The following SCN1A variants were observed in gnomAD, a reference collection of about 807,000 sequenced individuals.
The protein encoded by SCN1A is sodium voltage-gated channel alpha subunit 1, also known as sodium channel protein type 1 subunit alpha.
SCN1A carries 13 observed loss-of-function variants against 193.7 expected under a neutral mutation model. The ratio of observed to expected loss-of-function variants is 0.07; its 90% CI spans 0.04 to 0.11. The LOEUF is 0.11. SCN1A is among the 10% of genes least tolerant of loss of function. The probability of loss-of-function intolerance (pLI) is 1.00; values close to 1 mark genes in which losing one functional copy is unlikely to be tolerated. For missense variants in SCN1A, 1,432 were observed against 2,451.1 expected (o/e 0.58, Z 8.78); for synonymous variants, 781 against 843.6 (o/e 0.93, Z 1.29).
rs1573937539 is a variant in SCN1A at position 165,990,765 on chromosome 2, G to A, written c.*480C>T. 3 of 172,948 alleles carry A rather than the reference G, an allele frequency of 1.7e-5. No individual in the cohort carries two copies. In the East Asian group the frequency reaches 4.6e-4, roughly 27 times the overall value. 10.7% of individuals were successfully genotyped at this position (172,948 alleles called of 1,614,324 possible). A position where few individuals can be genotyped will look rare whatever the true frequency, so the allele number is the denominator to read the frequency against. ...GGCATACCTGTTATAGAGGTCCTTA[G>A]CCTATTTCTCAACAGAAACTTCGTT... On this transcript the variant is annotated 3_prime_UTR_variant, in exon 29 of 29. Transcript: ENST00000674923.
At chr2:166,080,026 C>G (rs1227518779) in intron 2 of SCN1A, among the ~76,000 whole-genome samples, 1 of 151,324 alleles carries the variant, frequency 6.6e-6, no homozygotes, top group African/African-American at 2.4e-5. Flanking sequence ...AGATGTCATT[C>G]AATATTAATA....
chr2:166,039,827 C>A (rs2105818972), intron 16 of SCN1A, among the ~76,000 whole-genome samples: 1 of 150,462 alleles, frequency 6.6e-6, no homozygotes. Flanking sequence ...GATAAGGAAA[C>A]TGAGGTCTTC....
downstream of SCN1A, chr2:165,985,465 G>A (rs367852204): frequency 6.6e-6 from 1 of 151,644 alleles, no homozygotes; most frequent in South Asian, 2.1e-4. Context: ...AAGGGAAAAG[G>A]GACTTAGATA....
rs138194030 is a variant in SCN1A, at chr2:166,091,112, G to A, written c.-141-13311C>T. Among the ~76,000 whole-genome samples the A allele has an allele frequency of 3.7e-3, 557 of 152,294 alleles. 6 individuals carry two copies. The highest frequency in any genetic ancestry group is 0.013 in the African/African-American group (524 of 41,558). ...GAACTACACAGCTGACTGACTGATG[G>A]GGAAAGTTACACAATGGATAGCTTT... On this transcript the variant is annotated intron_variant, in intron 2 of 28. Transcript: ENST00000674923.
At chr2:166,107,441 A>C (rs984310219) in intron 2 of SCN1A, among the ~76,000 whole-genome samples, 1 of 152,188 alleles carries the variant, frequency 6.6e-6, no homozygotes, top group Non-Finnish European at 1.5e-5. Context: ...ACAAAACACG[A>C]TAGTTCAAAA....
intron 2 of SCN1A, among the ~76,000 whole-genome samples, chr2:166,098,134 A>G (rs902995891): frequency 1.3e-5 from 2 of 152,178 alleles, no homozygotes; most frequent in Non-Finnish European, 2.9e-5. Flanking sequence ...ATACTAGCAA[A>G]TTGAACCCAG....
At chr2:166,053,123 T>C in intron 7 of SCN1A, 180 bp from the exon 8 acceptor site, 1 of 1,160,666 alleles carries the variant, frequency 8.6e-7, no homozygotes, top group Non-Finnish European at 1.3e-6. Flanking sequence ...ACAAATTCTG[T>C]TACAAACCTG....
At chr2:166,024,808 T>C (rs889866546) in intron 19 of SCN1A, among the ~76,000 whole-genome samples, 3 of 152,054 alleles carry the variant, frequency 2.0e-5, no homozygotes, top group Admixed American at 2.0e-4. Flanking sequence ...TACAGGTGCA[T>C]GCCACCACAC....
At chr2:166,061,644 T>A (rs1367915141) in intron 4 of SCN1A, among the ~76,000 whole-genome samples, 3 of 152,218 alleles carry the variant, frequency 2.0e-5, no homozygotes, top group African/African-American at 7.2e-5. Flanking sequence ...TCACTATACA[T>A]CATATGTATT....
intron 19 of SCN1A, chr2:166,027,249 G>T (rs762141287): frequency 2.6e-5 from 4 of 152,008 alleles, no homozygotes; most frequent in African/African-American, 9.7e-5. Flanking sequence ...GTTTTCCTCC[G>T]CAGTGGATTT....
intron 4 of SCN1A, chr2:166,060,726 G>T (rs906801043): frequency 3.9e-5 from 6 of 152,138 alleles, no homozygotes; most frequent in African/African-American, 1.5e-4. Context: ...GCTGGGCCTG[G>T]TGGTGGGTCC....
At chr2:166,017,293 G>T (rs897078476) in intron 19 of SCN1A, among the ~76,000 whole-genome samples, 21 of 151,858 alleles carry the variant, frequency 1.4e-4, no homozygotes, top group Non-Finnish European at 2.7e-4. Context: ...GTTGCATTTA[G>T]CTTTGACTAT....
At position 166,127,925 on chromosome 2, in the gene SCN1A, CACAG is replaced by C. The variant is rs920983858; in HGVS notation, c.-387_-384del. On this transcript the variant is annotated 5_prime_UTR_variant, in exon 1 of 29. The change abolishes the stop of an existing upstream ORF in the 5' untranslated region. Coordinates refer to ENST00000674923, the MANE Select transcript of SCN1A (RefSeq NM_001165963.4). The stretch of plus-strand genomic sequence containing the variant: ...GCTGCAGTCTCACTGGGGCAGAACA[CACAG>C]ACACACAAACACACACAAACGCACA... 6.6e-6 allele frequency: 1 copy of C among 151,924 alleles called. No homozygotes were observed. Among genetic ancestry groups the C allele is most frequent in the African/African-American group, 2.4e-5 (1 of 41,334 alleles). 9.4% of individuals were successfully genotyped at this position (151,924 alleles called of 1,614,324 possible). A position where few individuals can be genotyped will look rare whatever the true frequency, so the allele number is the denominator to read the frequency against.
chr2:166,054,842 C>T lies in SCN1A; in HGVS notation c.474-76G>A, dbSNP rs950610294. 2.2e-6 allele frequency: 3 copies of T among 1,335,216 alleles called. 1 individual carries two copies. The highest frequency in any genetic ancestry group is 1.5e-5 in the African/African-American group (1 of 68,808). 82.7% of individuals were successfully genotyped at this position (1,335,216 alleles called of 1,614,324 possible). On this transcript the variant is annotated intron_variant, in intron 6 of 28. Transcript: ENST00000674923. The stretch of plus-strand genomic sequence containing the variant: ...GCATACCAATTTCTTATCACTCCAT[C>T]AGTGGAATAGATAAATACTAAAAAA...
At chr2:166,023,916 C>T (rs1307713153) in intron 19 of SCN1A, among the ~76,000 whole-genome samples, 1 of 151,972 alleles carries the variant, frequency 6.6e-6, no homozygotes, top group Non-Finnish European at 1.5e-5. Context: ...GCTGGGATTA[C>T]AGGCACCTGC....
In SCN1A at chr2:166,052,960, A is replaced by G. The variant is rs772297333; in HGVS notation, c.603-17T>C. 1 of 1,592,278 alleles carries G rather than the reference A, an allele frequency of 6.3e-7. No individual in the cohort carries two copies. The highest frequency in any genetic ancestry group is 1.1e-5 in the South Asian group (1 of 90,498). ...GTGACGTACCTGTAATAGGGAGTTCACACACAAACACAAAAACAGGACACA... is the reference window on the plus strand; with the variant it reads ...GTGACGTACCTGTAATAGGGAGTTCGCACACAAACACAAAAACAGGACACA... On this transcript the variant is annotated splice_polypyrimidine_tract_variant and intron_variant, in intron 7 of 28. Transcript: ENST00000674923.
intron 23 of SCN1A, among the ~76,000 whole-genome samples, chr2:166,006,553 T>C (rs2105541152): frequency 6.6e-6 from 1 of 151,590 alleles, no homozygotes; most frequent in East Asian, 1.9e-4. Flanking sequence ...TCTAGGTATG[T>C]ATTCTATTCT....
At chr2:166,141,118 C>T (rs1398095215) in intron 1 of SCN1A, among the ~76,000 whole-genome samples, 1 of 152,046 alleles carries the variant, frequency 6.6e-6, no homozygotes, top group Non-Finnish European at 1.5e-5. Context: ...CCCTGCTCAC[C>T]ACTCCCCGGG....
At position 165,988,597 on chromosome 2, in the gene SCN1A, A is replaced by C. The variant is rs1440233295; in HGVS notation, c.*2648T>G. 6.6e-6 allele frequency: 1 copy of C among 152,144 alleles called. No homozygotes were observed. Among genetic ancestry groups the C allele is most frequent in the Non-Finnish European group, 1.5e-5 (1 of 68,066 alleles). The allele number at this position is 152,144 out of a possible 1,614,324, so 9.4% of individuals were successfully genotyped here. On this transcript the variant is annotated 3_prime_UTR_variant, in exon 29 of 29. Transcript: ENST00000674923. ...AACCCAGCAAAGAAGGAATTGGAGA[A>C]GAAATATTCCTATGTCAATCTTCTC...
Sources: gnomAD v4.1 joint callset for allele counts (sites outside exome capture counted in the v4.1 genomes callset) on GRCh38, gnomAD v4.1.1 for gene constraint, MANE v1.5 for transcripts, NCBI Gene and HGNC (gene_info 2026-07-23, HGNC 2026-07-21) for gene names.